The following RBFOX1 variants were observed in gnomAD, a reference collection of about 807,000 sequenced individuals.
RBFOX1 encodes RNA binding protein fox-1 homolog 1.
Under a neutral mutation model 57.7 loss-of-function variants are expected in RBFOX1, and 8 were observed. The ratio of observed to expected loss-of-function variants is 0.14; its 90% CI spans 0.08 to 0.25. The LOEUF (loss-of-function observed/expected upper bound fraction) is 0.25, where lower values mean the gene tolerates loss of function less well. Ranked by LOEUF, RBFOX1 falls within the 10% of genes least tolerant of loss-of-function variation. RBFOX1 has a pLI of 1.00. For synonymous variants in RBFOX1, 326 were observed against 222.4 expected, an observed-to-expected ratio of 1.47 and a Z score of -4.15; for missense variants, 611 against 548.5, an observed-to-expected ratio of 1.11 and a Z score of -1.14.
intron 4 of RBFOX1, among the ~76,000 whole-genome samples, chr16:7,487,264 TG>T (rs1341966555): frequency 6.6e-6 from 1 of 152,190 alleles, no homozygotes; most frequent in African/African-American, 2.4e-5. Context: ...GACATCCACA[TG>T]GTATACTCCT....
intron 1 of RBFOX1, among the ~76,000 whole-genome samples, chr16:6,178,131 A>C (rs372830158): frequency 4.7e-5 from 7 of 149,330 alleles, no homozygotes; most frequent in African/African-American, 1.7e-4. Flanking sequence ...GGTCATGGAC[A>C]CCTGGGGACC....
At chr16:5,465,927 G>A (rs1020060822) in intron 1 of RBFOX1, among the ~76,000 whole-genome samples, 1 of 152,194 alleles carries the variant, frequency 6.6e-6, no homozygotes, top group African/African-American at 2.4e-5. Context: ...TGTCCACGGT[G>A]CTGCGGTGGG....
intron 3 of RBFOX1, among the ~76,000 whole-genome samples, chr16:7,024,376 A>G (rs911174644): frequency 4.6e-5 from 7 of 152,152 alleles, no homozygotes; most frequent in Non-Finnish European, 7.3e-5. Context: ...GTTGAGTGCA[A>G]TGAAGCTTGA....
At chr16:6,310,234 G>T (rs1003546098) in intron 1 of RBFOX1, among the ~76,000 whole-genome samples, 1 of 152,080 alleles carries the variant, frequency 6.6e-6, no homozygotes, top group African/African-American at 2.4e-5. Flanking sequence ...TTGGAATAGC[G>T]GATACAATTG....
intron 1 of RBFOX1, among the ~76,000 whole-genome samples, chr16:5,320,018 C>T (rs1211062345): frequency 6.6e-6 from 1 of 152,152 alleles, no homozygotes; most frequent in African/African-American, 2.4e-5. Flanking sequence ...ACAAGGGAGG[C>T]TGGGAAATGT....
chr16:5,282,321 G>T (rs1314893079), intron 1 of RBFOX1, among the ~76,000 whole-genome samples: 1 of 152,186 alleles, frequency 6.6e-6, no homozygotes, highest in Non-Finnish European at 1.5e-5. Flanking sequence ...TTTATCAGCT[G>T]TGTGAAAATG....
intron 2 of RBFOX1, among the ~76,000 whole-genome samples, chr16:6,641,896 C>T (rs920312143): frequency 6.6e-6 from 1 of 152,094 alleles, no homozygotes; most frequent in Non-Finnish European, 1.5e-5. Context: ...GGAACACACA[C>T]ACCACTGACC....
intron 3 of RBFOX1, among the ~76,000 whole-genome samples, chr16:6,926,559 T>A (rs991422213): frequency 3.9e-5 from 6 of 152,134 alleles, no homozygotes; most frequent in Non-Finnish European, 7.4e-5. Context: ...CAGGGAGAAA[T>A]CCTGCAGGCT....
At chr16:6,630,947 T>C (rs921041843) in intron 2 of RBFOX1, among the ~76,000 whole-genome samples, 1 of 152,152 alleles carries the variant, frequency 6.6e-6, no homozygotes, top group Non-Finnish European at 1.5e-5. Context: ...TGTTTTAAAG[T>C]ACCTTATTGA....
intron 4 of RBFOX1, among the ~76,000 whole-genome samples, chr16:7,508,541 A>T (rs1458645070): frequency 6.6e-6 from 1 of 152,178 alleles, no homozygotes; most frequent in Non-Finnish European, 1.5e-5. Flanking sequence ...ATCCTTTTAA[A>T]GAAACTGAAA....
At chr16:6,827,746 C>T (rs1048865899) in intron 3 of RBFOX1, among the ~76,000 whole-genome samples, 4 of 152,140 alleles carry the variant, frequency 2.6e-5, no homozygotes, top group Admixed American at 6.6e-5. Flanking sequence ...CATGGATCTC[C>T]GGTCACCTCC....
At chr16:5,410,201 A>G (rs374262525) in intron 1 of RBFOX1, among the ~76,000 whole-genome samples, 38 of 150,456 alleles carry the variant, frequency 2.5e-4, no homozygotes, top group African/African-American at 8.3e-4. Context: ...CTGTCTCTAC[A>G]AAAGAAAAAA....
intron 1 of RBFOX1, among the ~76,000 whole-genome samples, chr16:6,224,873 G>A (rs2097404205): frequency 6.6e-6 from 1 of 151,996 alleles, no homozygotes; most frequent in Non-Finnish European, 1.5e-5. Context: ...CAAAAAATTA[G>A]CTGGGTGTGG....
rs71406388 is a variant in RBFOX1, at chr16:6,655,373, CAAAAAAAA to C, written c.-16+746_-16+753del. Among the ~76,000 whole-genome samples, 204 of 33,722 alleles carry C rather than the reference CAAAAAAAA, an allele frequency of 6.0e-3. 2 individuals are homozygous for C. The highest frequency in any genetic ancestry group is 9.6e-3 in the African/African-American group (77 of 7,990). The allele number at this position is 33,722 out of a possible 152,430, so 22.1% of individuals were successfully genotyped here. A position where few individuals can be genotyped will look rare whatever the true frequency, so the allele number is the denominator to read the frequency against. ...TGAGTGACAAAATAAGCCTCCGTTT[CAAAAAAAA>C]AAAAAAAAAAAAAAAAAAAAAAGAG... On this transcript the variant is annotated intron_variant, in intron 3 of 15. Transcript: ENST00000550418.
chr16:5,984,041 CCT>C (rs1288607508), intron 4 of RBFOX1, among the ~76,000 whole-genome samples: 1 of 124,748 alleles, frequency 8.0e-6, no homozygotes, highest in Non-Finnish European at 1.7e-5. Flanking sequence ...TCTTCTTCCT[CCT>C]CTTCTTCCTC....
chr16:7,394,544 C>G (rs188572768), intron 4 of RBFOX1, among the ~76,000 whole-genome samples: 1 of 152,260 alleles, frequency 6.6e-6, no homozygotes, highest in Non-Finnish European at 1.5e-5. Flanking sequence ...TACTTCCCAT[C>G]TTCTTGCGTT....
chr16:7,059,733 G>C (rs1270051212), intron 4 of RBFOX1, among the ~76,000 whole-genome samples: 1 of 152,106 alleles, frequency 6.6e-6, no homozygotes, highest in East Asian at 1.9e-4. Context: ...TGACTGTTTG[G>C]TACAAATTTA....
At chr16:6,849,198 T>G (rs1219185400) in intron 3 of RBFOX1, among the ~76,000 whole-genome samples, 2 of 152,220 alleles carry the variant, frequency 1.3e-5, no homozygotes, top group African/African-American at 4.8e-5. Flanking sequence ...GGAAAAATTA[T>G]CCACCTATCA....
intron 2 of RBFOX1, among the ~76,000 whole-genome samples, chr16:5,529,637 G>T (rs1242464580): frequency 6.6e-6 from 1 of 150,776 alleles, no homozygotes. Flanking sequence ...TGCAATTTTG[G>T]CTCACTGCAA....
Sources: gnomAD v4.1 joint callset for allele counts (sites outside exome capture counted in the v4.1 genomes callset) on GRCh38, gnomAD v4.1.1 for gene constraint, MANE v1.5 for transcripts, NCBI Gene and HGNC (gene_info 2026-07-23, HGNC 2026-07-21) for gene names.